CHCHD6: variants seen among roughly 807,000 people sequenced by gnomAD.
CHCHD6 encodes the protein coiled-coil-helix-coiled-coil-helix domain containing 6.
CHCHD6 carries 28 observed loss-of-function variants against 32.3 expected under a neutral mutation model. The observed-to-expected ratio is 0.87, with a 90% confidence interval of 0.64 to 1.19. CHCHD6 has a LOEUF of 1.19. Ranked by LOEUF, CHCHD6 falls within the 50% of genes most tolerant of loss-of-function variation. The pLI is 0.00. For synonymous variants in CHCHD6, 122 were observed against 117.5 expected, an observed-to-expected ratio of 1.04 and a Z score of -0.25; for missense variants, 333 against 307.0, an observed-to-expected ratio of 1.08 and a Z score of -0.63.
intron 6 of CHCHD6, among the ~76,000 whole-genome samples, chr3:126,951,571 A>G (rs540119494): frequency 6.6e-6 from 1 of 152,340 alleles, no homozygotes; most frequent in South Asian, 2.1e-4. Context: ...GAGAGAAGGA[A>G]GAGGGAGGGA....
chr3:126,830,670 A>G (rs936482857), intron 4 of CHCHD6, among the ~76,000 whole-genome samples: 5 of 152,122 alleles, frequency 3.3e-5, no homozygotes, highest in African/African-American at 1.2e-4. Context: ...TGTCTAAACC[A>G]TGTGTTGTCC....
At chr3:126,859,008 C>T (rs1034303747) in intron 5 of CHCHD6, among the ~76,000 whole-genome samples, 5 of 152,232 alleles carry the variant, frequency 3.3e-5, no homozygotes, top group African/African-American at 9.6e-5. Flanking sequence ...GTCTTGTTAG[C>T]GCCTGTGGCT....
chr3:126,773,640 A>G (rs1019563719), intron 4 of CHCHD6, among the ~76,000 whole-genome samples: 1 of 131,094 alleles, frequency 7.6e-6, no homozygotes, highest in Non-Finnish European at 1.5e-5. Context: ...ACAGAGCGTC[A>G]GAGTCGCCTA....
At chr3:126,897,905 A>G (rs1368861030) in intron 5 of CHCHD6, among the ~76,000 whole-genome samples, 1 of 152,208 alleles carries the variant, frequency 6.6e-6, no homozygotes, top group East Asian at 1.9e-4. Context: ...TTTTCTACCA[A>G]CTGGGATTGT....
At chr3:126,859,633 A>G (rs1374788396) in intron 5 of CHCHD6, among the ~76,000 whole-genome samples, 1 of 152,160 alleles carries the variant, frequency 6.6e-6, no homozygotes, top group Non-Finnish European at 1.5e-5. Flanking sequence ...CCTGTAAGGT[A>G]GATTATATTA....
At chr3:126,877,214 T>C (rs898667249) in intron 5 of CHCHD6, among the ~76,000 whole-genome samples, 7 of 152,204 alleles carry the variant, frequency 4.6e-5, no homozygotes, top group African/African-American at 1.7e-4. Context: ...GTAGACTTTT[T>C]ATATATAGTT....
chr3:126,917,380 C>G (rs1185690253), intron 6 of CHCHD6, among the ~76,000 whole-genome samples: 3 of 152,140 alleles, frequency 2.0e-5, no homozygotes, highest in Non-Finnish European at 4.4e-5. Flanking sequence ...CATTGCTGTC[C>G]CTTGCAGGCC....
chr3:126,717,684 G>A (rs1021300591), intron 1 of CHCHD6, among the ~76,000 whole-genome samples: 6 of 152,162 alleles, frequency 3.9e-5, no homozygotes, highest in Admixed American at 3.9e-4. Context: ...CTGGCATTTT[G>A]GTTAGGGTCA....
chr3:126,714,566 G>A (rs974288331), intron 1 of CHCHD6, among the ~76,000 whole-genome samples: 1 of 152,178 alleles, frequency 6.6e-6, no homozygotes, highest in Non-Finnish European at 1.5e-5. Flanking sequence ...GTCGGGCATC[G>A]GGGTGTTGGC....
chr3:126,889,653 G>C (rs7612097), intron 5 of CHCHD6, among the ~76,000 whole-genome samples: 64,902 of 152,108 alleles, frequency 0.43, 15,167 homozygotes, highest in African/African-American at 0.63. Context: ...TTGCCTTTAT[G>C]ATACAGGAAT....
In CHCHD6 at chr3:126,885,500, A is replaced by G. The variant is rs144016651; in HGVS notation, c.496-29180A>G. 8.3e-4 allele frequency among the ~76,000 whole-genome samples: 126 copies of G among 152,360 alleles called. 1 individual carries two copies. The highest frequency in any genetic ancestry group is 2.9e-3 in the African/African-American group (119 of 41,594). On this transcript the variant is annotated intron_variant, in intron 5 of 7. Transcript: ENST00000290913. ...CCTCAGTGGAAATTAATTTTAAAAC[A>G]TGCATTTCAAAATCAGTTGAATCAC...
At chr3:126,792,736 G>A (rs1258770395) in intron 4 of CHCHD6, among the ~76,000 whole-genome samples, 1 of 152,148 alleles carries the variant, frequency 6.6e-6, no homozygotes, top group Non-Finnish European at 1.5e-5. Flanking sequence ...TATGTGAAGT[G>A]TTCTGTAAAT....
intron 5 of CHCHD6, among the ~76,000 whole-genome samples, chr3:126,864,288 A>G (rs1418626266): frequency 7.5e-6 from 1 of 132,622 alleles, no homozygotes; most frequent in African/African-American, 2.9e-5. Flanking sequence ...CTCCTCCTCC[A>G]TCACCACCAC....
At chr3:126,909,673 G>A (rs1417943368) in intron 5 of CHCHD6, among the ~76,000 whole-genome samples, 1 of 152,204 alleles carries the variant, frequency 6.6e-6, no homozygotes, top group Non-Finnish European at 1.5e-5. Context: ...GGAGGAGGAG[G>A]GGCAGCTGTC....
chr3:126,812,195 A>C (rs769910332), intron 4 of CHCHD6, among the ~76,000 whole-genome samples: 1 of 151,378 alleles, frequency 6.6e-6, no homozygotes, highest in Non-Finnish European at 1.5e-5. Context: ...ATACTAACTT[A>C]TCCTGGAATG....
At chr3:126,894,645 C>T (rs986762491) in intron 5 of CHCHD6, among the ~76,000 whole-genome samples, 11 of 152,184 alleles carry the variant, frequency 7.2e-5, no homozygotes, top group African/African-American at 2.4e-4. Context: ...TGTGAGCACA[C>T]ACCCATCACG....
At chr3:126,709,111 G>T (rs1426953240) in intron 1 of CHCHD6, among the ~76,000 whole-genome samples, 1 of 152,112 alleles carries the variant, frequency 6.6e-6, no homozygotes, top group East Asian at 1.9e-4. Context: ...TTGTTATACT[G>T]TATTTTTAAA....
chr3:126,847,650 GC>G (rs1559878435), intron 4 of CHCHD6, among the ~76,000 whole-genome samples: 1 of 152,144 alleles, frequency 6.6e-6, no homozygotes, highest in African/African-American at 2.4e-5. Context: ...CATCTTGGAG[GC>G]CCCCTTCGTG....
intron 4 of CHCHD6, among the ~76,000 whole-genome samples, chr3:126,839,092 A>C (rs190385255): frequency 1.3e-5 from 2 of 151,884 alleles, no homozygotes; most frequent in African/African-American, 4.8e-5. Context: ...GTCTCACTAC[A>C]TTGCCTGAGC....
Sources: gnomAD v4.1 joint callset for allele counts (sites outside exome capture counted in the v4.1 genomes callset) on GRCh38, gnomAD v4.1.1 for gene constraint, MANE v1.5 for transcripts, NCBI Gene and HGNC (gene_info 2026-07-23, HGNC 2026-07-21) for gene names.